The following RMI1 variants were observed in gnomAD, a reference collection of about 807,000 sequenced individuals.
The protein encoded by RMI1 is recQ-mediated genome instability protein 1.
Under a neutral mutation model 46.7 loss-of-function variants are expected in RMI1, and 36 were observed. The observed-to-expected ratio is 0.77, with a 90% confidence interval of 0.59 to 1.02. RMI1 has a LOEUF of 1.02. Ranked by LOEUF, RMI1 falls within the 50% of genes least tolerant of loss-of-function variation. The pLI is 0.00. For missense variants in RMI1, 676 were observed against 713.7 expected (o/e 0.95, Z 0.60); for synonymous variants, 250 against 252.9 (o/e 0.99, Z 0.11).
chr9:84,003,135 T>C lies in RMI1; in HGVS notation c.*271T>C. The C allele has an allele frequency of 4.3e-6, 1 of 232,682 alleles. No individual in the cohort carries two copies. Among genetic ancestry groups the C allele is most frequent in the Non-Finnish European group, 9.1e-6 (1 of 110,098 alleles). The allele number at this position is 232,682 out of a possible 1,614,324, so 14.4% of individuals were successfully genotyped here. ...GATCATAGGTTATTGCATCAACCTCTTGAGCTCAAGCGATCCTCCTGCCTT... is the reference window on the plus strand; with the variant it reads ...GATCATAGGTTATTGCATCAACCTCCTGAGCTCAAGCGATCCTCCTGCCTT... On this transcript the variant is annotated 3_prime_UTR_variant, in exon 3 of 3. Transcript: ENST00000445877.
chr9:83,993,892 A>C (rs1222394996), intron 1 of RMI1, among the ~76,000 whole-genome samples: 1 of 150,816 alleles, frequency 6.6e-6, no homozygotes, highest in Non-Finnish European at 1.5e-5. Context: ...CAGTCCTCTC[A>C]CCTCAGCCTC....
intron 1 of RMI1, among the ~76,000 whole-genome samples, chr9:83,982,707 C>T (rs1294860400): frequency 6.6e-6 from 1 of 152,090 alleles, no homozygotes; most frequent in Non-Finnish European, 1.5e-5. Flanking sequence ...CCTCTTCCTC[C>T]CAGTTTCATT....
intron 1 of RMI1, among the ~76,000 whole-genome samples, chr9:83,982,381 C>T (rs1401056811): frequency 1.3e-5 from 2 of 152,062 alleles, no homozygotes; most frequent in Admixed American, 6.6e-5. Context: ...GAACCTCTTC[C>T]GGCCGGGCAC....
rs763117585 is a variant in RMI1, at chr9:84,001,966, A to G, written c.980A>G (p.Gln327Arg). Residue 327 changes from glutamine to arginine, a missense_variant, in exon 3 of 3, where the codon CAG becomes CGG. Coordinates refer to ENST00000445877, the MANE Select transcript of RMI1 (RefSeq NM_001358291.2). Reference sequence around the variant, plus strand: ...GCCTTGCTTTTAGAAGAAACTGTCCAGAAAGAACAGATGGAAACTAAGGAA... The same window carrying G: ...GCCTTGCTTTTAGAAGAAACTGTCCGGAAAGAACAGATGGAAACTAAGGAA... ...EEALLLEETV[Q>R]KEQMETKELQ... 1.2e-6 allele frequency: 2 copies of G among 1,613,844 alleles called. No homozygotes were observed. The highest frequency in any genetic ancestry group is 2.2e-5 in the South Asian group (2 of 90,930).
At chr9:83,988,469 A>G (rs1957524063) in intron 1 of RMI1, among the ~76,000 whole-genome samples, 1 of 152,042 alleles carries the variant, frequency 6.6e-6, no homozygotes, top group Non-Finnish European at 1.5e-5. Flanking sequence ...ATGTCTGGCT[A>G]ATTTTTGCAT....
At chr9:83,991,908 T>C (rs990449242) in intron 1 of RMI1, among the ~76,000 whole-genome samples, 2 of 152,240 alleles carry the variant, frequency 1.3e-5, no homozygotes, top group Admixed American at 6.5e-5. Context: ...GTCGATGTTA[T>C]ATAGTGTGAA....
At chr9:83,998,098 A>G (rs540788656) in intron 1 of RMI1, among the ~76,000 whole-genome samples, 1 of 152,328 alleles carries the variant, frequency 6.6e-6, no homozygotes, top group Non-Finnish European at 1.5e-5. Context: ...TGCCCAGCCA[A>G]GATAGGAAGT....
chr9:83,980,362 TC>T (rs1588448649), upstream of RMI1: 1 of 152,342 alleles, frequency 6.6e-6, no homozygotes. Context: ...CAACCCCGCC[TC>T]CCGCCAGCGC....
At position 84,001,629 on chromosome 9, in the gene RMI1, G is replaced by C. The variant is rs1957737942; in HGVS notation, c.643G>C (p.Asp215His). The C allele has an allele frequency of 6.2e-7, 1 of 1,614,038 alleles. No individual in the cohort carries two copies. The change falls in exon 3 of 3, where the codon GAT becomes CAT. Residue 215 changes from aspartate (D) to histidine (H), a missense_variant. Asp to His is a moderately conservative substitution (Grantham distance 81). Coordinates refer to ENST00000445877, the MANE Select transcript of RMI1 (RefSeq NM_001358291.2). ...KVLARLIGEP[D>H]LVVSVIPNNS... ...ACTTGCAAGATTAATAGGGGAACCTGATCTTGTAGTTTCAGTCATACCAAA... is the reference window on the plus strand; with the variant it reads ...ACTTGCAAGATTAATAGGGGAACCTCATCTTGTAGTTTCAGTCATACCAAA...
At position 84,003,884 on chromosome 9, in the gene RMI1, A is replaced by G. The variant is rs904279736; in HGVS notation, c.*1020A>G. 6.0e-6 allele frequency: 1 copy of G among 166,936 alleles called. No homozygotes were observed. The highest frequency in any genetic ancestry group is 1.5e-5 in the Non-Finnish European group (1 of 68,102). 10.3% of individuals were successfully genotyped at this position (166,936 alleles called of 1,614,324 possible). ...ATTGTTCCCTTTCTGAATTAGCTGT[A>G]CATATAAGCCTTCCTTTGGTTTTAA... On this transcript the variant is annotated 3_prime_UTR_variant, in exon 3 of 3. Transcript: ENST00000445877.
chr9:83,996,244 G>A (rs139845058), intron 1 of RMI1, among the ~76,000 whole-genome samples: 2 of 152,322 alleles, frequency 1.3e-5, no homozygotes, highest in East Asian at 1.9e-4. Context: ...ACCACACTAC[G>A]TGTGTTATAT....
intron 1 of RMI1, among the ~76,000 whole-genome samples, chr9:83,981,624 G>T (rs1957399127): frequency 6.6e-6 from 1 of 152,120 alleles, no homozygotes; most frequent in Non-Finnish European, 1.5e-5. Flanking sequence ...ATCCTTACTC[G>T]TCAACCTTCC....
chr9:83,990,021 C>CATAAAAAAGAA (rs1197261374), intron 1 of RMI1, among the ~76,000 whole-genome samples: 3 of 152,120 alleles, frequency 2.0e-5, no homozygotes, highest in Non-Finnish European at 4.4e-5. Flanking sequence ...GAATGATATC[C>CATAAAAAAGAA]TGTCATTTCC....
In RMI1 at chr9:83,999,892, A is replaced by G. The variant is rs147066406; in HGVS notation, c.-37+95A>G. The G allele has an allele frequency of 2.5e-3, 385 of 152,330 alleles. 5 individuals are homozygous for G. Among genetic ancestry groups the G allele is most frequent in the African/African-American group, 8.9e-3 (368 of 41,564 alleles). 9.4% of individuals were successfully genotyped at this position (152,330 alleles called of 1,614,324 possible). A position where few individuals can be genotyped will look rare whatever the true frequency, so the allele number is the denominator to read the frequency against. ...GAACAAAGTATACTTTTGTGAACACATGATTGATTGGGCTTTACTGTTTTG... is the reference window on the plus strand; with the variant it reads ...GAACAAAGTATACTTTTGTGAACACGTGATTGATTGGGCTTTACTGTTTTG... On this transcript the variant is annotated intron_variant, in intron 2 of 2. Coordinates refer to ENST00000445877, the MANE Select transcript of RMI1 (RefSeq NM_001358291.2).
Position 84,003,395 on chromosome 9 carries a change from G to A in RMI1, c.*531G>A, listed in dbSNP as rs531330699. 22 of 167,118 alleles carry A rather than the reference G, an allele frequency of 1.3e-4. No individual in the cohort carries two copies. The highest frequency in any genetic ancestry group is 7.3e-5 in the Non-Finnish European group (5 of 68,116). 10.4% of individuals were successfully genotyped at this position (167,118 alleles called of 1,614,324 possible). A position where few individuals can be genotyped will look rare whatever the true frequency, so the allele number is the denominator to read the frequency against. Reference sequence around the variant, plus strand: ...GAGAAATTTGTTTTCCACTTGTCACGTCACATAAGATGATTGCTAAAATAT... The same window carrying A: ...GAGAAATTTGTTTTCCACTTGTCACATCACATAAGATGATTGCTAAAATAT... On this transcript the variant is annotated 3_prime_UTR_variant, in exon 3 of 3. Coordinates refer to ENST00000445877, the MANE Select transcript of RMI1 (RefSeq NM_001358291.2).
In RMI1 at chr9:84,001,009, TA is replaced by T; in HGVS notation, c.25del (p.Arg9GlufsTer7). MNVTSIA[L>X]RAETWLLAAW... is the part of the protein sequence containing the mutation. ...GAAATGAATGTGACTAGTATTGCAT[TA>T]AGAGCTGAAACTTGGCTTTTAGCTG... is the stretch of plus-strand genomic sequence containing the variant. On this transcript the variant is annotated frameshift_variant, in exon 3 of 3. Transcript: ENST00000445877. LOFTEE classifies it high-confidence loss of function. The T allele has an allele frequency of 6.2e-7, 1 of 1,610,612 alleles. No homozygotes were observed. Among genetic ancestry groups the T allele is most frequent in the Non-Finnish European group, 8.5e-7 (1 of 1,178,466 alleles).
At chr9:83,987,207 C>G (rs1481800996) in intron 1 of RMI1, among the ~76,000 whole-genome samples, 2 of 152,090 alleles carry the variant, frequency 1.3e-5, no homozygotes. Context: ...GAATTACAAG[C>G]ACGTGCCACC....
chr9:83,987,076 C>A (rs1455132829), intron 1 of RMI1, among the ~76,000 whole-genome samples: 1 of 151,690 alleles, frequency 6.6e-6, no homozygotes, highest in East Asian at 1.9e-4. Context: ...CCCTTCCCTT[C>A]GCTTTCCGAT....
rs1437011178 is a variant in RMI1 at position 84,002,246 on chromosome 9, C to G, written c.1260C>G (p.Asn420Lys). Residue 420 changes from asparagine to lysine, a missense_variant, in exon 3 of 3, where the codon AAC becomes AAG. Asn to Lys is a moderately conservative substitution (Grantham distance 94). Coordinates refer to ENST00000445877, the MANE Select transcript of RMI1 (RefSeq NM_001358291.2). ...ATGATTTTACAAATAAAGAAAAGAACTTAGAGACAGATAATAAAATAAAAC... is the reference window on the plus strand; with the variant it reads ...ATGATTTTACAAATAAAGAAAAGAAGTTAGAGACAGATAATAAAATAAAAC... ...LAHDFTNKEKNLETDNKIKQT... is the reference protein window; with the variant it reads ...LAHDFTNKEKKLETDNKIKQT... 1 of 1,606,694 alleles carries G rather than the reference C, an allele frequency of 6.2e-7. No individual in the cohort carries two copies. Among genetic ancestry groups the G allele is most frequent in the East Asian group, 2.2e-5 (1 of 44,778 alleles).
Sources: allele counts gnomAD v4.1 joint callset (sites outside exome capture counted in the v4.1 genomes callset), GRCh38; gene constraint gnomAD v4.1.1; transcripts MANE v1.5; gene names NCBI Gene and HGNC (gene_info 2026-07-23, HGNC 2026-07-21).